Variants in NEUROD1 observed in about 807,000 individuals in gnomAD.
NEUROD1 encodes the protein neuronal differentiation 1.
A neutral mutation model predicts 21.8 loss-of-function variants in NEUROD1; 9 were observed. That is an observed-to-expected ratio of 0.41 (90% confidence interval 0.25 to 0.72). The LOEUF (loss-of-function observed/expected upper bound fraction) is 0.72, where lower values mean the gene tolerates loss of function less well. NEUROD1 is among the 30% of genes least tolerant of loss of function. The pLI, the probability that NEUROD1 is intolerant of heterozygous loss-of-function variation, is 0.31. For synonymous variants in NEUROD1, 199 were observed against 186.2 expected, an observed-to-expected ratio of 1.07 and a Z score of -0.56; for missense variants, 434 against 468.8, an observed-to-expected ratio of 0.93 and a Z score of 0.69.
chr2:181,678,186 C>T lies in NEUROD1; in HGVS notation c.675G>A (p.Gly225=). 1 of 1,614,106 alleles carries T rather than the reference C, an allele frequency of 6.2e-7. No individual in the cohort carries two copies. Among genetic ancestry groups the T allele is most frequent in the East Asian group, 2.2e-5 (1 of 44,874 alleles). ...TGGTACCGTAAGGCGGACTGGGCAG[C>T]CCAGGCGACTGGTAGGAGTAGGGGT... ...PVHPYSYQSP[G]LPSPPYGTMD... Residue 225 remains glycine (G), a synonymous_variant, in exon 2 of 2, where the codon GGG becomes GGA. Transcript: ENST00000295108. The surrounding 1 kb of genome is among the most constrained non-coding windows in gnomAD (Gnocchi z 5.5).
Position 181,678,168 on chromosome 2 carries a change from G to A in NEUROD1, c.693C>T (p.Tyr231=), listed in dbSNP as rs886958361. The A allele has an allele frequency of 1.9e-6, 3 of 1,614,198 alleles. No homozygotes were observed. The highest frequency in any genetic ancestry group is 2.5e-6 in the Non-Finnish European group (3 of 1,180,040). The change falls in exon 2 of 2, where the codon TAC becomes TAT. Residue 231 remains tyrosine, a synonymous_variant. Transcript: ENST00000295108. The surrounding 1 kb of genome is among the most constrained non-coding windows in gnomAD (Gnocchi z 5.5). ...AGACATGGGAGCTGTCCATGGTACC[G>A]TAAGGCGGACTGGGCAGCCCAGGCG... ...YQSPGLPSPP[Y]GTMDSSHVFH...
chr2:181,668,430 G>T (rs1383021821), downstream of NEUROD1, among the ~76,000 whole-genome samples: 3 of 152,042 alleles, frequency 2.0e-5, no homozygotes, highest in Admixed American at 6.6e-5. Flanking sequence ...ACCCCCTATA[G>T]TTCTTCTAAA....
chr2:181,680,359 A>T (rs1185734258), intron 1 of NEUROD1, 71 bp downstream of exon 1: 1 of 152,180 alleles, frequency 6.6e-6, no homozygotes, highest in Non-Finnish European at 1.5e-5. Context: ...ACACATACAG[A>T]ATATGTAGGT....
At chr2:181,671,153 G>T (rs1454437142) in exon 2 of NEUROD1, among the ~76,000 whole-genome samples, 1 of 151,862 alleles carries the variant, frequency 6.6e-6, no homozygotes, top group East Asian at 1.9e-4. Flanking sequence ...AACCTGGGAA[G>T]CAAAGATCTC....
At chr2:181,675,103 C>T (rs1688549642), downstream of NEUROD1, among the ~76,000 whole-genome samples, 1 of 152,122 alleles carries the variant, frequency 6.6e-6, no homozygotes, top group Non-Finnish European at 1.5e-5. Context: ...AAAGTAAGAA[C>T]AGTGAGAACA....
At chr2:181,673,466 T>C (rs1054632167), downstream of NEUROD1, 10 of 152,236 alleles carry the variant, frequency 6.6e-5, no homozygotes, top group Non-Finnish European at 1.2e-4. Flanking sequence ...CCAGAACGCC[T>C]CTTTGCAATG....
chr2:181,668,711 C>T (rs1448800122), downstream of NEUROD1, among the ~76,000 whole-genome samples: 1 of 152,172 alleles, frequency 6.6e-6, no homozygotes, highest in East Asian at 1.9e-4. Flanking sequence ...TGCCATAAAA[C>T]ACTACCACTG....
downstream of NEUROD1, among the ~76,000 whole-genome samples, chr2:181,670,130 T>C (rs746857249): frequency 5.3e-5 from 8 of 152,188 alleles, no homozygotes; most frequent in Non-Finnish European, 1.2e-4. Context: ...TTAATATATA[T>C]GCTAATCCAC....
downstream of NEUROD1, among the ~76,000 whole-genome samples, chr2:181,673,982 A>G (rs1008497691): frequency 7.2e-5 from 11 of 152,128 alleles, no homozygotes; most frequent in African/African-American, 1.2e-4. Context: ...TGATATTATA[A>G]TCTTTCATTT....
intron 1 of NEUROD1, 122 bp downstream of exon 1, chr2:181,680,308 G>C (rs965792893): frequency 6.6e-6 from 1 of 152,150 alleles, no homozygotes; most frequent in Non-Finnish European, 1.5e-5. Context: ...ATTATGGAGG[G>C]GGATGCTGGT....
chr2:181,680,154 CAT>C (rs1336273715), intron 1 of NEUROD1, among the ~76,000 whole-genome samples: 2 of 152,056 alleles, frequency 1.3e-5, no homozygotes, highest in African/African-American at 4.8e-5. Flanking sequence ...AGCAGATAAT[CAT>C]AGTTACCGTG....
intron 1 of NEUROD1, among the ~76,000 whole-genome samples, chr2:181,679,513 C>T (rs1688659069): frequency 6.6e-6 from 1 of 152,140 alleles, no homozygotes; most frequent in Non-Finnish European, 1.5e-5. Context: ...TCTTCCACCC[C>T]TCCCTCGCCT....
chr2:181,677,207 G>A lies in NEUROD1; in HGVS notation c.*583C>T, dbSNP rs912004177. The A allele has an allele frequency of 2.3e-5, 3 of 132,914 alleles. No individual in the cohort carries two copies. Among genetic ancestry groups the A allele is most frequent in the Non-Finnish European group, 4.6e-5 (3 of 64,684 alleles). 8.2% of individuals were successfully genotyped at this position (132,914 alleles called of 1,614,324 possible). Reference sequence around the variant, plus strand: ...ATAACTTTCTAAGCACTTTTCTGCTGGTTTAAATTAGTTAAATTATTTTGT... The same window carrying A: ...ATAACTTTCTAAGCACTTTTCTGCTAGTTTAAATTAGTTAAATTATTTTGT... On this transcript the variant is annotated 3_prime_UTR_variant, in exon 2 of 2. Coordinates refer to ENST00000295108, the MANE Select transcript of NEUROD1 (RefSeq NM_002500.5).
downstream of NEUROD1, among the ~76,000 whole-genome samples, chr2:181,674,702 T>C (rs1334508505): frequency 1.3e-5 from 2 of 152,064 alleles, no homozygotes; most frequent in African/African-American, 4.8e-5. Flanking sequence ...AGAAGGAACA[T>C]CTGTGCCTGC....
chr2:181,679,648 G>A (rs956396772), intron 1 of NEUROD1, among the ~76,000 whole-genome samples: 5 of 152,242 alleles, frequency 3.3e-5, no homozygotes, highest in African/African-American at 1.2e-4. Flanking sequence ...GATCAGGTGC[G>A]GAAGGCTCCT....
chr2:181,674,403 A>C (rs1688536927), downstream of NEUROD1, among the ~76,000 whole-genome samples: 1 of 152,168 alleles, frequency 6.6e-6, no homozygotes, highest in Non-Finnish European at 1.5e-5. Flanking sequence ...TTCTTTTCTT[A>C]CAAACTGGGT....
downstream of NEUROD1, among the ~76,000 whole-genome samples, chr2:181,672,528 A>C (rs1048452094): frequency 9.2e-5 from 14 of 152,234 alleles, no homozygotes; most frequent in African/African-American, 3.4e-4. Context: ...CTAGAGATAG[A>C]TAGTTTAAAA....
chr2:181,679,310 A>G (rs1442612394), intron 1 of NEUROD1, among the ~76,000 whole-genome samples: 3 of 152,040 alleles, frequency 2.0e-5, no homozygotes, highest in African/African-American at 4.8e-5. Context: ...TTCTACTTCC[A>G]TTTCTGTCCT....
chr2:181,673,879 CAG>C (rs372583843), downstream of NEUROD1, among the ~76,000 whole-genome samples: 29 of 152,060 alleles, frequency 1.9e-4, no homozygotes, highest in African/African-American at 6.0e-4. Context: ...AATGTAAAAA[CAG>C]AGAGATTTTA....
Sources: gnomAD v4.1 joint callset for allele counts (sites outside exome capture counted in the v4.1 genomes callset) on GRCh38, gnomAD v4.1.1 for gene constraint, Gnocchi (gnomAD v3.1) non-coding constraint, MANE v1.5 for transcripts, NCBI Gene and HGNC (gene_info 2026-07-23, HGNC 2026-07-21) for gene names.